The following AHDC1 variants were observed in gnomAD, a reference collection of about 807,000 sequenced individuals.
The protein encoded by AHDC1 is transcription factor Gibbin.
In AHDC1, 7 loss-of-function variants were observed where a neutral mutation model predicts 87.9. The ratio of observed to expected loss-of-function variants is 0.08; its 90% CI spans 0.05 to 0.15. AHDC1 has a LOEUF of 0.15. Ranked by LOEUF, AHDC1 falls within the 10% of genes least tolerant of loss-of-function variation. The pLI is 1.00. For synonymous variants in AHDC1, 1,051 were observed against 1,006.8 expected, an observed-to-expected ratio of 1.04 and a Z score of -0.83; for missense variants, 1,841 against 2,253.2, an observed-to-expected ratio of 0.82 and a Z score of 3.70.
chr1:27,581,886 T>G (rs12130587), intron 3 of AHDC1, among the ~76,000 whole-genome samples: 4,699 of 152,180 alleles, frequency 0.031, 99 homozygotes, highest in South Asian at 0.068. Flanking sequence ...CTTCTTCCTC[T>G]CCTCTCTTCC....
chr1:27,557,378 C>T (rs1311239129), intron 5 of AHDC1, among the ~76,000 whole-genome samples: 1 of 151,880 alleles, frequency 6.6e-6, no homozygotes, highest in Admixed American at 6.6e-5. Context: ...AGCCTCTCAC[C>T]CCCGCCCACC....
chr1:27,554,707 C>T (rs2019741884), intron 5 of AHDC1, among the ~76,000 whole-genome samples: 1 of 152,174 alleles, frequency 6.6e-6, no homozygotes, highest in African/African-American at 2.4e-5. Context: ...AGTACTGGAT[C>T]CCTGGGACCT....
At chr1:27,567,938 C>T (rs1412050129) in intron 3 of AHDC1, 1 of 152,256 alleles carries the variant, frequency 6.6e-6, no homozygotes, top group Non-Finnish European at 1.5e-5. Flanking sequence ...AAGCAAGTCT[C>T]CGTGCAACTC....
intron 3 of AHDC1, among the ~76,000 whole-genome samples, chr1:27,564,706 G>A (rs986234594): frequency 3.9e-5 from 6 of 152,196 alleles, no homozygotes; most frequent in Non-Finnish European, 8.8e-5. Flanking sequence ...CCTCCCTGCC[G>A]CCCGATGAAG....
chr1:27,557,987 T>C (rs564999146), intron 5 of AHDC1, among the ~76,000 whole-genome samples: 2 of 152,196 alleles, frequency 1.3e-5, no homozygotes, highest in South Asian at 4.1e-4. Flanking sequence ...CCCACAGCTG[T>C]ACCTCCCCAC....
intron 3 of AHDC1, among the ~76,000 whole-genome samples, chr1:27,566,314 G>A (rs1201478472): frequency 6.6e-6 from 1 of 151,646 alleles, no homozygotes; most frequent in Non-Finnish European, 1.5e-5. Flanking sequence ...GAGAGCCAGA[G>A]AGGGAGAGAG....
Position 27,551,277 on chromosome 1 carries a change from G to C in AHDC1, c.839C>G (p.Pro280Arg). 1.2e-6 allele frequency: 2 copies of C among 1,610,748 alleles called. No homozygotes were observed. The highest frequency in any genetic ancestry group is 2.2e-5 in the South Asian group (2 of 91,030). Residue 280 changes from proline (P) to arginine (R), a missense_variant, in exon 8 of 9, where the codon CCC becomes CGC. This residue lies in a region of AHDC1 where 370 missense variants were observed against 391.5 expected (regional missense o/e 0.95). Coordinates refer to ENST00000673934, the MANE Select transcript of AHDC1 (RefSeq NM_001371928.1). The part of the protein sequence containing the change: ...EPEPQLLDPQ[P>R]RFLDPQALEP... ...TAGTGCCTGCGGGTCCAGGAAGCGG[G>C]GCTGGGGGTCCAGGAGCTGAGGCTC...
chr1:27,553,715 C>T (rs148744415), intron 5 of AHDC1, among the ~76,000 whole-genome samples: 71 of 152,296 alleles, frequency 4.7e-4, no homozygotes, highest in Non-Finnish European at 9.1e-4. Context: ...CTATTCACCA[C>T]TATATGTATT....
intron 3 of AHDC1, among the ~76,000 whole-genome samples, chr1:27,599,761 C>T (rs751041358): frequency 1.3e-5 from 2 of 152,124 alleles, no homozygotes; most frequent in African/African-American, 4.8e-5. Context: ...CACGCCCCCC[C>T]GGGTCCCAAG....
rs949012712 is a variant in AHDC1 at position 27,590,408 on chromosome 1, A to G, written c.-629+12989T>C. Among the ~76,000 whole-genome samples the G allele has an allele frequency of 1.3e-5, 2 of 152,070 alleles. No homozygotes were observed. Among genetic ancestry groups the G allele is most frequent in the African/African-American group, 4.8e-5 (2 of 41,406 alleles). On this transcript the variant is annotated intron_variant, in intron 3 of 8. Transcript: ENST00000673934. This position sits in a 1 kb window ranked among gnomAD's most constrained non-coding sequence, Gnocchi z 5.4. ...GCTTCCCAGCACCCCCAGGCAAACT[A>G]TTACCCTTCCTCTGGCCTCCCCTAA...
chr1:27,602,765 A>C (rs2089567947), intron 3 of AHDC1, among the ~76,000 whole-genome samples: 1 of 152,074 alleles, frequency 6.6e-6, no homozygotes, highest in African/African-American at 2.4e-5. Context: ...GTAACCGGGC[A>C]CGCGGCCCAA....
chr1:27,558,605 G>C lies in AHDC1; in HGVS notation c.-450-75C>G, dbSNP rs1472119938. The C allele has an allele frequency of 2.5e-6, 1 of 397,534 alleles. No homozygotes were observed. The highest frequency in any genetic ancestry group is 3.6e-5 in the East Asian group (1 of 28,078). The allele number at this position is 397,534 out of a possible 1,614,324, so 24.6% of individuals were successfully genotyped here. Reference sequence around the variant, plus strand: ...TGTAAAGAAGCTCTTTTTGACCTAAGCTGGGAGGGGATCCCTGTTGGGACT... The same window carrying C: ...TGTAAAGAAGCTCTTTTTGACCTAACCTGGGAGGGGATCCCTGTTGGGACT... On this transcript the variant is annotated intron_variant, in intron 4 of 8. Coordinates refer to ENST00000673934, the MANE Select transcript of AHDC1 (RefSeq NM_001371928.1). The surrounding 1 kb of genome is among the most constrained non-coding windows in gnomAD (Gnocchi z 5.6).
At chr1:27,588,863 G>C (rs1055676915) in intron 3 of AHDC1, among the ~76,000 whole-genome samples, 2 of 152,144 alleles carry the variant, frequency 1.3e-5, no homozygotes, top group Non-Finnish European at 2.9e-5. Flanking sequence ...GATGCCGTGT[G>C]TGTACATGAT....
chr1:27,600,856 T>C (rs1403857766), intron 3 of AHDC1, among the ~76,000 whole-genome samples: 1 of 152,048 alleles, frequency 6.6e-6, no homozygotes, highest in Non-Finnish European at 1.5e-5. Context: ...GCCCATGCAG[T>C]GGGGGTAACA....
rs775787766 is a variant in AHDC1 at position 27,549,047 on chromosome 1, C to T, written c.3069G>A (p.Pro1023=). 1.1e-5 allele frequency: 18 copies of T among 1,575,560 alleles called. No homozygotes were observed. The highest frequency in any genetic ancestry group is 4.1e-5 in the African/African-American group (3 of 73,800). The change falls in exon 8 of 9, where the codon CCG becomes CCA. Residue 1023 remains proline, a synonymous_variant. Transcript: ENST00000673934. ...GTGGCAGGCAGGGGCCCCCGGTAGG[C>T]GGTGGGGCATAGCCGGCGCTGTGGG... The part of the protein sequence containing the change: ...SSAHSAGYAP[P]PTGGPCLPPS...
rs867160410 is a variant in AHDC1, at chr1:27,549,796, C to A, written c.2320G>T (p.Gly774Cys). 6.2e-7 allele frequency: 1 copy of A among 1,613,558 alleles called. No homozygotes were observed. The highest frequency in any genetic ancestry group is 8.5e-7 in the Non-Finnish European group (1 of 1,179,978). Residue 774 changes from glycine (G) to cysteine (C), a missense_variant, in exon 8 of 9, where the codon GGT becomes TGT. Physicochemically the swap from Gly to Cys is radical, Grantham distance 159. Around this residue, in one of 13 missense-constraint regions of AHDC1, gnomAD observed 236 missense variants for 257.9 expected, o/e 0.92. Coordinates refer to ENST00000673934, the MANE Select transcript of AHDC1 (RefSeq NM_001371928.1). ...TGCCCATGGTGAGGGGCCCAGCCAC[C>A]ACCCTTATCCCCGGCCCACTCAGCA... ...AGAEWAGDKG[G>C]GWAPHHGHPG...
At chr1:27,570,671 G>A (rs2020526833) in intron 3 of AHDC1, among the ~76,000 whole-genome samples, 1 of 152,180 alleles carries the variant, frequency 6.6e-6, no homozygotes, top group South Asian at 2.1e-4. Context: ...TTAGAACTGG[G>A]ACCAGGTCTG....
chr1:27,577,786 C>G (rs1225137617), intron 3 of AHDC1, among the ~76,000 whole-genome samples: 2 of 152,166 alleles, frequency 1.3e-5, no homozygotes, highest in Admixed American at 6.5e-5. Flanking sequence ...CCTGACCTGC[C>G]AGGCCAGACA....
In AHDC1 at chr1:27,598,963, C is replaced by T. The variant is rs1396092381; in HGVS notation, c.-629+4434G>A. 6.6e-6 allele frequency among the ~76,000 whole-genome samples: 1 copy of T among 152,222 alleles called. No individual in the cohort carries two copies. Among genetic ancestry groups the T allele is most frequent in the East Asian group, 1.9e-4 (1 of 5,196 alleles). ...GGCTACTCTGTCCCTGTCCCCCACTCCCTCTCCAATAGCTCACAGTCCAAA... is the reference window on the plus strand; with the variant it reads ...GGCTACTCTGTCCCTGTCCCCCACTTCCTCTCCAATAGCTCACAGTCCAAA... On this transcript the variant is annotated intron_variant, in intron 3 of 8. Transcript: ENST00000673934. This position sits in a 1 kb window ranked among gnomAD's most constrained non-coding sequence, Gnocchi z 4.2.
Sources: gnomAD v4.1 joint callset for allele counts (sites outside exome capture counted in the v4.1 genomes callset) on GRCh38, gnomAD v4.1.1 for gene constraint, gnomAD v4.1.1 regional missense constraint, Gnocchi (gnomAD v3.1) non-coding constraint, MANE v1.5 for transcripts, NCBI Gene and HGNC (gene_info 2026-07-23, HGNC 2026-07-21) for gene names.